The following CSMD1 variants were observed in gnomAD, a reference collection of about 807,000 sequenced individuals.
CSMD1 encodes the protein CUB and Sushi multiple domains 1.
In CSMD1, 213 loss-of-function variants were observed where a neutral mutation model predicts 417.5. The ratio of observed to expected loss-of-function variants is 0.51; its 90% CI spans 0.46 to 0.57. The LOEUF is 0.57. CSMD1 is among the 20% of genes least tolerant of loss of function. CSMD1 has a pLI of 0.00. For missense variants in CSMD1, 6,923 were observed against 4,529.7 expected (o/e 1.53, Z -15.17); for synonymous variants, 2,862 against 1,736.8 (o/e 1.65, Z -16.11).
chr8:3,259,474 A>C (rs578231426), intron 26 of CSMD1, among the ~76,000 whole-genome samples: 1 of 152,324 alleles, frequency 6.6e-6, no homozygotes, highest in African/African-American at 2.4e-5. Context: ...ATTCTTAAGT[A>C]TTCAAAAGAA....
intron 5 of CSMD1, among the ~76,000 whole-genome samples, chr8:3,933,025 G>A (rs1479450887): frequency 1.5e-5 from 1 of 64,856 alleles, no homozygotes; most frequent in Non-Finnish European, 3.2e-5. Context: ...CAAGTGAAAT[G>A]TATGATAAAA....
intron 3 of CSMD1, among the ~76,000 whole-genome samples, chr8:4,204,586 G>A (rs537268272): frequency 6.6e-6 from 1 of 152,098 alleles, no homozygotes; most frequent in Admixed American, 6.5e-5. Context: ...GATTCAATCT[G>A]ACAAAAATAA....
At chr8:3,804,175 G>A (rs549217890) in intron 5 of CSMD1, among the ~76,000 whole-genome samples, 1 of 152,068 alleles carries the variant, frequency 6.6e-6, no homozygotes, top group Admixed American at 6.6e-5. Flanking sequence ...CAGGTGATCT[G>A]CCCACCTCAG....
chr8:3,389,226 C>G (rs1022434623), intron 17 of CSMD1, among the ~76,000 whole-genome samples: 2 of 152,056 alleles, frequency 1.3e-5, no homozygotes, highest in Non-Finnish European at 2.9e-5. Context: ...AGTATTAAGC[C>G]TAGTGCCCAT....
intron 1 of CSMD1, among the ~76,000 whole-genome samples, chr8:4,638,823 T>G (rs1420957798): frequency 6.6e-6 from 1 of 152,172 alleles, no homozygotes. Flanking sequence ...AAAGCCACCT[T>G]GAAGCCACTG....
intron 13 of CSMD1, 21 bp from the exon 14 acceptor site, chr8:3,408,246 T>C: frequency 1.3e-6 from 2 of 1,547,170 alleles, no homozygotes; most frequent in Non-Finnish European, 1.8e-6. Flanking sequence ...GCAAATATAT[T>C]TTCAAACAGT....
intron 42 of CSMD1, among the ~76,000 whole-genome samples, chr8:3,114,957 C>A (rs1365726724): frequency 6.6e-6 from 1 of 152,082 alleles, no homozygotes; most frequent in Non-Finnish European, 1.5e-5. Context: ...CAATTCCCCA[C>A]TCTACACATA....
intron 7 of CSMD1, among the ~76,000 whole-genome samples, chr8:3,671,006 GA>G (rs1798994283): frequency 9.6e-6 from 1 of 104,362 alleles, no homozygotes; most frequent in African/African-American, 3.6e-5. Flanking sequence ...ATATGTATGG[GA>G]TATATATGTA....
At chr8:4,124,624 C>T (rs1208746638) in intron 3 of CSMD1, among the ~76,000 whole-genome samples, 2 of 152,162 alleles carry the variant, frequency 1.3e-5, no homozygotes, top group Non-Finnish European at 2.9e-5. Flanking sequence ...ACAGCCAGAC[C>T]TCACTGGCAA....
intron 1 of CSMD1, among the ~76,000 whole-genome samples, chr8:4,717,918 G>T (rs377674444): frequency 1.3e-5 from 2 of 152,162 alleles, no homozygotes; most frequent in East Asian, 1.9e-4. Context: ...TATTGATACA[G>T]AAGAAGTATA....
At chr8:4,945,795 G>C (rs763386029) in intron 1 of CSMD1, among the ~76,000 whole-genome samples, 8 of 152,150 alleles carry the variant, frequency 5.3e-5, no homozygotes, top group Non-Finnish European at 1.0e-4. Flanking sequence ...GACGGATGAG[G>C]TTAAGTAGGC....
At chr8:4,353,249 C>T (rs1309424198) in intron 3 of CSMD1, among the ~76,000 whole-genome samples, 2 of 152,184 alleles carry the variant, frequency 1.3e-5, no homozygotes, top group Non-Finnish European at 2.9e-5. Flanking sequence ...GACTGTTCTT[C>T]TGGTAGTAAG....
At chr8:4,529,424 T>C (rs1278152750) in intron 2 of CSMD1, among the ~76,000 whole-genome samples, 1 of 152,162 alleles carries the variant, frequency 6.6e-6, no homozygotes, top group Admixed American at 6.5e-5. Flanking sequence ...CTGAAAAAAA[T>C]TACTTTCCTT....
chr8:4,795,170 C>A lies in CSMD1; in HGVS notation c.86-157612G>T, dbSNP rs114547422. ...AAGACGTCTAAGAATGTAGTAGCCACATTTTTAGGTGAAAAGACGCTTAAC... is the reference window on the plus strand; with the variant it reads ...AAGACGTCTAAGAATGTAGTAGCCAAATTTTTAGGTGAAAAGACGCTTAAC... On this transcript the variant is annotated intron_variant, in intron 1 of 69. Coordinates refer to ENST00000635120, the MANE Select transcript of CSMD1 (RefSeq NM_033225.6). 6.0e-3 allele frequency among the ~76,000 whole-genome samples: 863 copies of A among 144,330 alleles called. 11 individuals are homozygous for A. The highest frequency in any genetic ancestry group is 0.021 in the African/African-American group (841 of 39,374). 94.7% of individuals were successfully genotyped at this position (144,330 alleles called of 152,430 possible).
intron 1 of CSMD1, among the ~76,000 whole-genome samples, chr8:4,757,683 G>A (rs1420834971): frequency 6.6e-6 from 1 of 152,114 alleles, no homozygotes; most frequent in Non-Finnish European, 1.5e-5. Context: ...ATTATGCTGG[G>A]CATGGTGGCT....
rs1803619656 is a variant in CSMD1 at position 3,292,075 on chromosome 8, T to G, written c.3951-7729A>C. Among the ~76,000 whole-genome samples the G allele has an allele frequency of 2.0e-5, 3 of 152,214 alleles. 1 individual carries two copies. On this transcript the variant is annotated intron_variant, in intron 25 of 69. Coordinates refer to ENST00000635120, the MANE Select transcript of CSMD1 (RefSeq NM_033225.6). ...GAACATCTTTATTTCTGCCTTCATT[T>G]CATTATTTACTCAGTAGTCATTCAG...
chr8:4,601,583 G>A (rs768485977), intron 2 of CSMD1, among the ~76,000 whole-genome samples: 1 of 152,164 alleles, frequency 6.6e-6, no homozygotes, highest in Non-Finnish European at 1.5e-5. Context: ...TACTTTAGTA[G>A]TAAGAGTTCA....
intron 1 of CSMD1, among the ~76,000 whole-genome samples, chr8:4,661,909 C>A (rs755865261): frequency 6.6e-6 from 1 of 152,124 alleles, no homozygotes; most frequent in African/African-American, 2.4e-5. Flanking sequence ...ACGTAAATCA[C>A]AATCAGTATC....
intron 2 of CSMD1, among the ~76,000 whole-genome samples, chr8:4,482,109 A>C (rs955193550): frequency 6.6e-6 from 1 of 152,182 alleles, no homozygotes; most frequent in Non-Finnish European, 1.5e-5. Context: ...TCTTTTAAAA[A>C]ACTTTTAAGT....
Sources: allele counts gnomAD v4.1 joint callset (sites outside exome capture counted in the v4.1 genomes callset), GRCh38; gene constraint gnomAD v4.1.1; transcripts MANE v1.5; gene names NCBI Gene and HGNC (gene_info 2026-07-23, HGNC 2026-07-21).